VAV3: variants seen among roughly 807,000 people sequenced by gnomAD.
The protein encoded by VAV3 is guanine nucleotide exchange factor VAV3.
A neutral mutation model predicts 131.2 loss-of-function variants in VAV3; 94 were observed. That is an observed-to-expected ratio of 0.72 (90% CI 0.61 to 0.85). VAV3 has a LOEUF of 0.85. Among genes scored for constraint, VAV3 ranks in the 40% least tolerant of loss-of-function variants. The pLI, the probability that VAV3 is intolerant of heterozygous loss-of-function variation, is 0.00. For missense variants in VAV3, 939 were observed against 1,002.7 expected, an observed-to-expected ratio of 0.94 and a Z score of 0.86; for synonymous variants, 349 against 342.0, an observed-to-expected ratio of 1.02 and a Z score of -0.22.
At chr1:107,916,912 G>A (rs1039843952) in intron 1 of VAV3, among the ~76,000 whole-genome samples, 10 of 152,202 alleles carry the variant, frequency 6.6e-5, no homozygotes, top group African/African-American at 2.2e-4. Flanking sequence ...ACACAAAGGA[G>A]AGGGGAGAAA....
chr1:107,710,717 A>G (rs576064441), intron 15 of VAV3, among the ~76,000 whole-genome samples: 42 of 152,286 alleles, frequency 2.8e-4, no homozygotes, highest in Non-Finnish European at 4.3e-4. Context: ...TTTTAAAATC[A>G]TTTAAAATAA....
chr1:107,735,828 G>A (rs1662586634), intron 15 of VAV3, among the ~76,000 whole-genome samples: 1 of 152,150 alleles, frequency 6.6e-6, no homozygotes, highest in South Asian at 2.1e-4. Flanking sequence ...AATAGAAAAA[G>A]AGGGAATCCT....
intron 1 of VAV3, among the ~76,000 whole-genome samples, chr1:107,921,843 C>A (rs1357611189): frequency 6.6e-6 from 1 of 151,952 alleles, no homozygotes; most frequent in East Asian, 1.9e-4. Context: ...TCTGTAAAAA[C>A]CAGGAAAAAA....
At chr1:107,951,133 A>G (rs1044122686) in intron 1 of VAV3, among the ~76,000 whole-genome samples, 1 of 152,204 alleles carries the variant, frequency 6.6e-6, no homozygotes, top group African/African-American at 2.4e-5. Flanking sequence ...GATTTTTGTT[A>G]GAGACATCAC....
rs533751879 is a variant in VAV3 at position 107,590,985 on chromosome 1, C to G, written c.2350+5227G>C. Among the ~76,000 whole-genome samples, 3 of 152,284 alleles carry G rather than the reference C, an allele frequency of 2.0e-5. No individual in the cohort carries two copies. The South Asian group carries it at 6.2e-4, about 32-fold the overall frequency. Reference sequence around the variant, plus strand: ...ATTTTCTGTCTGTAAAACTTCAATACTTTCCTAGTGCAAATATCAGAATCC... The same window carrying G: ...ATTTTCTGTCTGTAAAACTTCAATAGTTTCCTAGTGCAAATATCAGAATCC... On this transcript the variant is annotated intron_variant, in intron 25 of 26. Transcript: ENST00000370056.
chr1:107,849,195 C>T (rs1669110844), intron 2 of VAV3, among the ~76,000 whole-genome samples: 1 of 151,376 alleles, frequency 6.6e-6, no homozygotes, highest in East Asian at 1.9e-4. Flanking sequence ...CTACCATTGA[C>T]TTTCTTCACA....
intron 19 of VAV3, among the ~76,000 whole-genome samples, chr1:107,671,034 G>T (rs1657752635): frequency 6.6e-6 from 1 of 152,152 alleles, no homozygotes; most frequent in Non-Finnish European, 1.5e-5. Flanking sequence ...ACAGTTTTTT[G>T]AAATGGCAAA....
At chr1:107,852,386 G>A (rs1405460124) in intron 2 of VAV3, among the ~76,000 whole-genome samples, 1 of 152,040 alleles carries the variant, frequency 6.6e-6, no homozygotes, top group African/African-American at 2.4e-5. Flanking sequence ...ACAAAAATTT[G>A]TAAAATAGAA....
chr1:107,649,270 C>T (rs1655976053), intron 19 of VAV3, among the ~76,000 whole-genome samples: 1 of 152,030 alleles, frequency 6.6e-6, no homozygotes, highest in Admixed American at 6.6e-5. Context: ...AACTCAAAGA[C>T]TGCAATAAAT....
At chr1:107,590,710 T>C (rs1650881164) in intron 25 of VAV3, among the ~76,000 whole-genome samples, 1 of 152,194 alleles carries the variant, frequency 6.6e-6, no homozygotes, top group African/African-American at 2.4e-5. Flanking sequence ...AAGCAAATAC[T>C]TATGTACCAT....
At chr1:107,641,966 TAA>T (rs1570668647) in intron 20 of VAV3, among the ~76,000 whole-genome samples, 1 of 152,170 alleles carries the variant, frequency 6.6e-6, no homozygotes, top group East Asian at 1.9e-4. Flanking sequence ...GCATATCATG[TAA>T]AGTTTCTGAA....
chr1:107,639,847 T>C (rs1400592575), intron 20 of VAV3, among the ~76,000 whole-genome samples: 2 of 151,162 alleles, frequency 1.3e-5, no homozygotes, highest in Admixed American at 6.6e-5. Context: ...GATGGGAAGA[T>C]GGCTTGAGCC....
At chr1:107,714,161 T>A (rs6703788) in intron 15 of VAV3, among the ~76,000 whole-genome samples, 106,037 of 151,970 alleles carry the variant, frequency 0.7, 37,352 homozygotes, top group South Asian at 0.79. Flanking sequence ...AATTGACCTT[T>A]TGAGACCAAT....
At chr1:107,638,933 TACAC>T (rs912961450) in intron 20 of VAV3, among the ~76,000 whole-genome samples, 15 of 151,650 alleles carry the variant, frequency 9.9e-5, no homozygotes, top group South Asian at 6.2e-4. Context: ...CATATAAAGA[TACAC>T]ACACACGGCA....
At chr1:107,631,030 G>T (rs2101382363) in intron 20 of VAV3, among the ~76,000 whole-genome samples, 1 of 152,148 alleles carries the variant, frequency 6.6e-6, no homozygotes, top group East Asian at 1.9e-4. Flanking sequence ...TTTTCAATTA[G>T]AGAAGACTAT....
chr1:107,910,285 T>C (rs971088364), intron 1 of VAV3, among the ~76,000 whole-genome samples: 1 of 152,302 alleles, frequency 6.6e-6, no homozygotes, highest in Admixed American at 6.5e-5. Flanking sequence ...ACATCTGCCA[T>C]GGGTCATCAG....
intron 17 of VAV3, among the ~76,000 whole-genome samples, chr1:107,695,331 G>A (rs970116059): frequency 1.3e-5 from 2 of 152,102 alleles, no homozygotes; most frequent in Non-Finnish European, 2.9e-5. Flanking sequence ...TTAAGAGCAG[G>A]GAATTAGGAA....
At chr1:107,691,636 C>T (rs1659430733) in intron 17 of VAV3, among the ~76,000 whole-genome samples, 2 of 152,130 alleles carry the variant, frequency 1.3e-5, no homozygotes, top group South Asian at 2.1e-4. Flanking sequence ...CTTATATTTA[C>T]CCTGCAGCCT....
intron 25 of VAV3, among the ~76,000 whole-genome samples, chr1:107,581,422 C>G (rs1326010388): frequency 6.6e-6 from 1 of 152,176 alleles, no homozygotes; most frequent in Non-Finnish European, 1.5e-5. Flanking sequence ...CAATTAGGAA[C>G]TATTAAGAGC....
Sources: gnomAD v4.1 joint callset for allele counts (sites outside exome capture counted in the v4.1 genomes callset) on GRCh38, gnomAD v4.1.1 for gene constraint, MANE v1.5 for transcripts, NCBI Gene and HGNC (gene_info 2026-07-23, HGNC 2026-07-21) for gene names.